DPP6: variants seen among roughly 807,000 people sequenced by gnomAD.
DPP6 encodes the protein dipeptidyl peptidase like 6.
DPP6 carries 69 observed loss-of-function variants against 122.6 expected under a neutral mutation model. The ratio of observed to expected loss-of-function variants is 0.56; its 90% CI spans 0.46 to 0.69. DPP6 has a LOEUF of 0.69. Among genes scored for constraint, DPP6 ranks in the 30% least tolerant of loss-of-function variants. The pLI, the probability that DPP6 is intolerant of heterozygous loss-of-function variation, is 0.00. For missense variants in DPP6, 928 were observed against 1,116.9 expected, an observed-to-expected ratio of 0.83 and a Z score of 2.41; for synonymous variants, 418 against 433.1, an observed-to-expected ratio of 0.97 and a Z score of 0.43.
At chr7:154,807,780 C>A (rs920402081) in intron 16 of DPP6, among the ~76,000 whole-genome samples, 4 of 152,106 alleles carry the variant, frequency 2.6e-5, no homozygotes, top group Non-Finnish European at 5.9e-5. Context: ...TGAGATCGCA[C>A]CACTACACTC....
chr7:154,634,912 T>G (rs1459271113), intron 5 of DPP6, among the ~76,000 whole-genome samples: 1 of 152,184 alleles, frequency 6.6e-6, no homozygotes, highest in East Asian at 1.9e-4. Flanking sequence ...TTTAAATCAC[T>G]GTTTCTAGAT....
In DPP6 at chr7:153,993,110, G is replaced by A. The variant is rs563685906; in HGVS notation, c.51+105376G>A. ...TAAGTAGAAGCCACTCCTGCTTCAC[G>A]GCAGCAGTCTCCTACATAACCACAG... On this transcript the variant is annotated intron_variant, in intron 1 of 25. Transcript: ENST00000404039. 3.9e-5 allele frequency among the ~76,000 whole-genome samples: 6 copies of A among 152,232 alleles called. No homozygotes were observed. The South Asian group carries it at 1.0e-3, about 26-fold the overall frequency.
Position 154,443,507 on chromosome 7 carries a change from CATGGATGG to C in DPP6, c.244-2679_244-2672del, listed in dbSNP as rs67554140. Among the ~76,000 whole-genome samples the C allele has an allele frequency of 8.4e-3, 1,229 of 146,370 alleles. 19 individuals carry two copies. Among genetic ancestry groups the C allele is most frequent in the African/African-American group, 0.028 (1,109 of 39,036 alleles). ...ATGGATGGATGTGGATTGACAGATA[CATGGATGG>C]ATGGATGGATGGATGGATGGATGGA... On this transcript the variant is annotated intron_variant, in intron 1 of 25. Transcript: ENST00000377770.
At chr7:154,400,074 T>C (rs1284145404) in intron 1 of DPP6, among the ~76,000 whole-genome samples, 4 of 152,070 alleles carry the variant, frequency 2.6e-5, no homozygotes. Flanking sequence ...CCAGGGGCAT[T>C]TGAATACTGC....
chr7:154,623,651 A>ACGCACCCACACG (rs55655116), intron 5 of DPP6, among the ~76,000 whole-genome samples: 1 of 144,672 alleles, frequency 6.9e-6, no homozygotes. Flanking sequence ...ACGCGCACAC[A>ACGCACCCACACG]CGCGCACACA....
chr7:153,890,142 C>T (rs953890568), intron 1 of DPP6, among the ~76,000 whole-genome samples: 1 of 152,170 alleles, frequency 6.6e-6, no homozygotes, highest in Non-Finnish European at 1.5e-5. Flanking sequence ...GCTGAGCTGC[C>T]GCACATCTGA....
intron 7 of DPP6, among the ~76,000 whole-genome samples, chr7:154,688,954 G>C (rs944921572): frequency 6.6e-6 from 1 of 152,172 alleles, no homozygotes; most frequent in Non-Finnish European, 1.5e-5. Context: ...GCATCCAGCA[G>C]CCTTGCTAAA....
intron 1 of DPP6, among the ~76,000 whole-genome samples, chr7:154,089,346 G>C (rs1373735817): frequency 1.1e-5 from 1 of 90,944 alleles, no homozygotes; most frequent in Non-Finnish European, 2.1e-5. Flanking sequence ...TTCTGCCTCA[G>C]ATGGAGGTAG....
At chr7:154,144,489 G>T (rs1252259602) in intron 1 of DPP6, among the ~76,000 whole-genome samples, 8 of 152,084 alleles carry the variant, frequency 5.3e-5, no homozygotes, top group African/African-American at 1.9e-4. Flanking sequence ...GCATATTCAA[G>T]CTAAAATAGA....
intron 7 of DPP6, among the ~76,000 whole-genome samples, chr7:154,671,557 G>A (rs1053002141): frequency 6.6e-6 from 1 of 152,156 alleles, no homozygotes; most frequent in Non-Finnish European, 1.5e-5. Context: ...AGTAGAGTTG[G>A]TACTTGTCCT....
At chr7:154,313,689 A>ATATATATATATCTATATC (rs1807120964) in intron 1 of DPP6, among the ~76,000 whole-genome samples, 1 of 25,376 alleles carries the variant, frequency 3.9e-5, no homozygotes, top group African/African-American at 1.2e-4. Flanking sequence ...GATATGGTAT[A>ATATATATATATCTATATC]TATATATATA....
chr7:153,812,112 C>A, the DPP6 span, among the ~76,000 whole-genome samples: 1 of 152,168 alleles, frequency 6.6e-6, no homozygotes, highest in Non-Finnish European at 1.5e-5. Flanking sequence ...TCTCCTCTTT[C>A]ATCTTTTCCT....
chr7:154,155,314 T>A (rs968185146), intron 1 of DPP6, among the ~76,000 whole-genome samples: 20 of 152,194 alleles, frequency 1.3e-4, no homozygotes, highest in African/African-American at 4.8e-4. Flanking sequence ...GGTTGCTAGG[T>A]AGAGCCTGCA....
At chr7:154,499,055 G>C (rs1196496763) in intron 3 of DPP6, among the ~76,000 whole-genome samples, 1 of 152,168 alleles carries the variant, frequency 6.6e-6, no homozygotes, top group East Asian at 1.9e-4. Flanking sequence ...TCGTGGCCCT[G>C]AGCTTGGCCA....
chr7:154,244,173 T>C (rs1271559716), intron 1 of DPP6, among the ~76,000 whole-genome samples: 1 of 152,130 alleles, frequency 6.6e-6, no homozygotes, highest in Non-Finnish European at 1.5e-5. Flanking sequence ...AGACACGTTA[T>C]ATACAAGGAA....
intron 7 of DPP6, among the ~76,000 whole-genome samples, chr7:154,718,771 C>G (rs1373468371): frequency 6.6e-6 from 1 of 151,874 alleles, no homozygotes; most frequent in African/African-American, 2.4e-5. Flanking sequence ...TCCCAAGTAG[C>G]TGGGATTACA....
intron 1 of DPP6, among the ~76,000 whole-genome samples, chr7:154,193,010 A>G (rs1355129199): frequency 6.6e-6 from 1 of 152,210 alleles, no homozygotes; most frequent in Non-Finnish European, 1.5e-5. Flanking sequence ...TGTGGAGTTA[A>G]TGCTTCCTGT....
intron 3 of DPP6, among the ~76,000 whole-genome samples, chr7:154,519,674 C>T (rs540555494): frequency 9.8e-5 from 15 of 152,328 alleles, no homozygotes; most frequent in African/African-American, 3.6e-4. Context: ...CTGTATAAGA[C>T]ACTGGCCTTC....
At chr7:154,380,568 A>C (rs1445786936) in intron 1 of DPP6, among the ~76,000 whole-genome samples, 1 of 152,198 alleles carries the variant, frequency 6.6e-6, no homozygotes, top group Non-Finnish European at 1.5e-5. Context: ...CCAGTTGGGA[A>C]ACGGCAGGTG....
Sources: gnomAD v4.1 joint callset for allele counts (sites outside exome capture counted in the v4.1 genomes callset) on GRCh38, gnomAD v4.1.1 for gene constraint, MANE v1.5 for transcripts, NCBI Gene and HGNC (gene_info 2026-07-23, HGNC 2026-07-21) for gene names.